KLF12: variants seen among roughly 807,000 people sequenced by gnomAD.
KLF12 encodes Krueppel-like factor 12.
KLF12 carries 9 observed loss-of-function variants against 37.8 expected under a neutral mutation model. That is an observed-to-expected ratio of 0.24 (90% CI 0.14 to 0.42). KLF12 has a LOEUF of 0.42. KLF12 is among the 10% of genes least tolerant of loss of function. The probability of loss-of-function intolerance (pLI) is 1.00; values close to 1 mark genes in which losing one functional copy is unlikely to be tolerated. For synonymous variants in KLF12, 208 were observed against 202.1 expected, an observed-to-expected ratio of 1.03 and a Z score of -0.25; for missense variants, 411 against 516.0, an observed-to-expected ratio of 0.80 and a Z score of 1.97.
chr13:73,738,657 T>G (rs1377611062), intron 6 of KLF12, among the ~76,000 whole-genome samples: 1 of 152,140 alleles, frequency 6.6e-6, no homozygotes, highest in African/African-American at 2.4e-5. Context: ...AATCTATGCA[T>G]GCTGAGGGAT....
At position 74,072,968 on chromosome 13, in the gene KLF12, T is replaced by C. The variant is rs546531873; in HGVS notation, c.-32+60771A>G. 6.6e-5 allele frequency among the ~76,000 whole-genome samples: 10 copies of C among 152,272 alleles called. No individual in the cohort carries two copies. In the South Asian group the frequency reaches 8.3e-4, roughly 13 times the overall value. ...ATGGGAGGGACCCGGTGGGATGTAA[T>C]TGAATCATGGCGGTGGGTTCTTCCC... is the stretch of plus-strand genomic sequence containing the variant. On this transcript the variant is annotated intron_variant, in intron 1 of 7. Coordinates refer to ENST00000377669, the MANE Select transcript of KLF12 (RefSeq NM_007249.5).
intron 2 of KLF12, among the ~76,000 whole-genome samples, chr13:73,988,113 G>A (rs540200001): frequency 6.6e-6 from 1 of 152,272 alleles, no homozygotes; most frequent in African/African-American, 2.4e-5. Context: ...TAGATCCCCT[G>A]GAATCATTGA....
intron 1 of KLF12, among the ~76,000 whole-genome samples, chr13:74,101,356 C>T (rs1391097737): frequency 6.6e-6 from 1 of 152,144 alleles, no homozygotes; most frequent in Non-Finnish European, 1.5e-5. Context: ...TGCCTTTTCT[C>T]CTGTTAATCT....
intron 3 of KLF12, among the ~76,000 whole-genome samples, chr13:73,940,495 G>A (rs1434178039): frequency 1.3e-5 from 2 of 152,146 alleles, no homozygotes; most frequent in Non-Finnish European, 2.9e-5. Flanking sequence ...ACATGGCTAC[G>A]AGATGAGGAC....
chr13:73,862,563 A>C (rs557043125), intron 3 of KLF12, among the ~76,000 whole-genome samples: 1 of 152,188 alleles, frequency 6.6e-6, no homozygotes, highest in Non-Finnish European at 1.5e-5. Flanking sequence ...CAATTCTATA[A>C]AACATTTGTC....
chr13:73,854,046 C>T (rs1208207477), intron 3 of KLF12, among the ~76,000 whole-genome samples: 1 of 152,092 alleles, frequency 6.6e-6, no homozygotes, highest in Non-Finnish European at 1.5e-5. Context: ...CAACATTTCA[C>T]AAAGCACACA....
intron 3 of KLF12, among the ~76,000 whole-genome samples, chr13:73,878,198 A>G (rs776552666): frequency 1.3e-5 from 2 of 152,132 alleles, no homozygotes; most frequent in Non-Finnish European, 2.9e-5. Context: ...AAAAGCATGA[A>G]CTCAAAGTAA....
chr13:73,783,627 T>A (rs1490274254), intron 5 of KLF12, among the ~76,000 whole-genome samples: 3 of 152,124 alleles, frequency 2.0e-5, no homozygotes, highest in Non-Finnish European at 4.4e-5. Flanking sequence ...AATTAAAAAA[T>A]TTTTAAAGCA....
intron 2 of KLF12, among the ~76,000 whole-genome samples, chr13:73,987,953 T>C (rs1891870643): frequency 6.6e-6 from 1 of 152,124 alleles, no homozygotes. Context: ...CAACAGATTC[T>C]GGCCGAAATG....
the KLF12 span, among the ~76,000 whole-genome samples, chr13:74,234,302 A>G: frequency 1.8e-3 from 275 of 152,360 alleles, 1 homozygote; most frequent in African/African-American, 6.4e-3. Flanking sequence ...AGCATAACAC[A>G]GTGGGTAGAA....
the KLF12 span, among the ~76,000 whole-genome samples, chr13:74,299,583 C>A: frequency 1.8e-3 from 271 of 152,262 alleles, 3 homozygotes; most frequent in South Asian, 1.0e-3. Flanking sequence ...ATTCAGGTTT[C>A]TTTACATCTC....
intron 3 of KLF12, among the ~76,000 whole-genome samples, chr13:73,918,501 T>A (rs1348486693): frequency 6.6e-6 from 1 of 151,034 alleles, no homozygotes; most frequent in Non-Finnish European, 1.5e-5. Flanking sequence ...ATACAAGATA[T>A]TTTTTTTACA....
At chr13:74,134,855 G>T (rs908860345), upstream of KLF12, among the ~76,000 whole-genome samples, 15 of 152,046 alleles carry the variant, frequency 9.9e-5, no homozygotes, top group Admixed American at 8.5e-4. Flanking sequence ...CCGCCCGGGT[G>T]GGGGCGCGCA....
At chr13:74,211,457 T>C in the KLF12 span, among the ~76,000 whole-genome samples, 1 of 152,160 alleles carries the variant, frequency 6.6e-6, no homozygotes, top group Non-Finnish European at 1.5e-5. Flanking sequence ...GCATTCTAAG[T>C]GGACGAACCA....
chr13:73,860,306 C>T (rs1885852005), intron 3 of KLF12, among the ~76,000 whole-genome samples: 1 of 152,186 alleles, frequency 6.6e-6, no homozygotes, highest in South Asian at 2.1e-4. Flanking sequence ...CATGGGCCCA[C>T]CAAAGATATC....
intron 3 of KLF12, among the ~76,000 whole-genome samples, chr13:73,933,552 G>C (rs188490470): frequency 2.6e-5 from 4 of 152,120 alleles, no homozygotes; most frequent in Non-Finnish European, 4.4e-5. Flanking sequence ...GGCTAAACAC[G>C]AATAGTCTCA....
At chr13:74,232,886 T>C in the KLF12 span, among the ~76,000 whole-genome samples, 1 of 138,800 alleles carries the variant, frequency 7.2e-6, no homozygotes, top group South Asian at 2.2e-4. Flanking sequence ...TATTTATTTA[T>C]TATTATTATT....
At chr13:74,146,222 T>C in the KLF12 span, among the ~76,000 whole-genome samples, 1 of 152,192 alleles carries the variant, frequency 6.6e-6, no homozygotes, top group African/African-American at 2.4e-5. Flanking sequence ...CATAGAGTTA[T>C]AAATATGTCA....
At chr13:73,756,071 ATG>A (rs1879146158) in intron 6 of KLF12, among the ~76,000 whole-genome samples, 1 of 152,140 alleles carries the variant, frequency 6.6e-6, no homozygotes, top group African/African-American at 2.4e-5. Flanking sequence ...TTTCAAGGTG[ATG>A]CTATGAAGAG....
Sources: gnomAD v4.1 joint callset for allele counts (sites outside exome capture counted in the v4.1 genomes callset) on GRCh38, gnomAD v4.1.1 for gene constraint, MANE v1.5 for transcripts, NCBI Gene and HGNC (gene_info 2026-07-23, HGNC 2026-07-21) for gene names.